KMT5A: variants seen among roughly 807,000 people sequenced by gnomAD.
KMT5A encodes lysine methyltransferase 5A, also known as N-lysine methyltransferase KMT5A.
A neutral mutation model predicts 40.6 loss-of-function variants in KMT5A; 6 were observed. The ratio of observed to expected loss-of-function variants is 0.15; its 90% CI spans 0.08 to 0.29. KMT5A has a LOEUF of 0.29. Among genes scored for constraint, KMT5A ranks in the 10% least tolerant of loss-of-function variants. The pLI, the probability that KMT5A is intolerant of heterozygous loss-of-function variation, is 1.00. For missense variants in KMT5A, 308 were observed against 459.1 expected (o/e 0.67, Z 3.01); for synonymous variants, 153 against 178.8 (o/e 0.86, Z 1.15).
chr12:123,403,101 T>G (rs1878299159), intron 5 of KMT5A, among the ~76,000 whole-genome samples: 1 of 152,198 alleles, frequency 6.6e-6, no homozygotes, highest in Non-Finnish European at 1.5e-5. Flanking sequence ...AGACAGGGTT[T>G]TACCTATTTG....
At chr12:123,406,673 A>G (rs1878579072) in intron 7 of KMT5A, among the ~76,000 whole-genome samples, 1 of 151,996 alleles carries the variant, frequency 6.6e-6, no homozygotes, top group African/African-American at 2.4e-5. Context: ...CTGTGCCTCC[A>G]TAAAGAGCCC....
At chr12:123,398,555 C>T (rs1375543365) in intron 5 of KMT5A, among the ~76,000 whole-genome samples, 2 of 152,250 alleles carry the variant, frequency 1.3e-5, no homozygotes, top group Non-Finnish European at 2.9e-5. Context: ...GAAGAACACA[C>T]TTGCTTCCCT....
At chr12:123,405,923 G>A (rs1296115647) in intron 7 of KMT5A, among the ~76,000 whole-genome samples, 3 of 151,820 alleles carry the variant, frequency 2.0e-5, no homozygotes, top group African/African-American at 7.3e-5. Flanking sequence ...AGGTTCAAGC[G>A]ATTCTCCTGC....
intron 1 of KMT5A, among the ~76,000 whole-genome samples, chr12:123,386,444 G>C (rs757940968): frequency 2.0e-5 from 3 of 152,060 alleles, no homozygotes; most frequent in Non-Finnish European, 2.9e-5. Flanking sequence ...TTGAACTCCT[G>C]ACCTCAGGTT....
intron 6 of KMT5A, 85 bp from the exon 7 acceptor site, chr12:123,404,799 G>C: frequency 7.3e-7 from 1 of 1,367,768 alleles, no homozygotes; most frequent in South Asian, 1.4e-5. Flanking sequence ...AAAGACTGGG[G>C]TAAGCCCCAG....
chr12:123,396,203 GCA>G, intron 4 of KMT5A, 140 bp from the exon 5 acceptor site: 1 of 709,964 alleles, frequency 1.4e-6, no homozygotes. Context: ...TGAGTGACCT[GCA>G]GGCTCCAGTG....
At chr12:123,407,290 G>A (rs1425033908) in intron 7 of KMT5A, among the ~76,000 whole-genome samples, 1 of 152,036 alleles carries the variant, frequency 6.6e-6, no homozygotes, top group Non-Finnish European at 1.5e-5. Flanking sequence ...AGTGAGCCGT[G>A]ATCGTGCCAC....
intron 5 of KMT5A, among the ~76,000 whole-genome samples, chr12:123,402,448 A>G (rs1180829344): frequency 6.6e-6 from 1 of 152,174 alleles, no homozygotes; most frequent in African/African-American, 2.4e-5. Flanking sequence ...AAAAGCTGCA[A>G]GCTGGTTTGG....
Position 123,407,768 on chromosome 12 carries a change from G to A in KMT5A, c.*65G>A. 2.3e-6 allele frequency: 3 copies of A among 1,303,578 alleles called. No homozygotes were observed. Among genetic ancestry groups the A allele is most frequent in the Non-Finnish European group, 3.2e-6 (3 of 937,172 alleles). 80.8% of individuals were successfully genotyped at this position (1,303,578 alleles called of 1,614,324 possible). A position where few individuals can be genotyped will look rare whatever the true frequency, so the allele number is the denominator to read the frequency against. On this transcript the variant is annotated 3_prime_UTR_variant, in exon 8 of 8. Coordinates refer to ENST00000402868, the MANE Select transcript of KMT5A (RefSeq NM_020382.7). ...TTCAAAGGACAAAGTGCCCTCAAAG[G>A]GAATTGAATTTTTTTTTTACACACT...
intron 4 of KMT5A, among the ~76,000 whole-genome samples, chr12:123,395,633 C>G (rs146057218): frequency 3.3e-5 from 5 of 149,592 alleles, no homozygotes; most frequent in African/African-American, 1.2e-4. Context: ...AGTGCGATCT[C>G]GGCTCACTGC....
intron 5 of KMT5A, among the ~76,000 whole-genome samples, chr12:123,399,532 C>T (rs1877994067): frequency 6.6e-6 from 1 of 152,206 alleles, no homozygotes; most frequent in Non-Finnish European, 1.5e-5. Context: ...TACATGGGCC[C>T]CCGTACTTCT....
chr12:123,390,527 A>G, intron 2 of KMT5A, 103 bp from the exon 3 acceptor site: 3 of 1,441,312 alleles, frequency 2.1e-6, no homozygotes, highest in Non-Finnish European at 2.8e-6. Context: ...AGTTTTTGAA[A>G]AACGGTGTTG....
At position 123,405,081 on chromosome 12, in the gene KMT5A, C is replaced by A; in HGVS notation, c.848+7C>A. ...ATCTGAGCAAAACCTACTGGTGAGT[C>A]CACTGTTGCTTAGAGTGGCTTTTCT... On this transcript the variant is annotated splice_region_variant and intron_variant, in intron 7 of 7. Transcript: ENST00000402868. 6.2e-7 allele frequency: 1 copy of A among 1,607,104 alleles called. No individual in the cohort carries two copies. Among genetic ancestry groups the A allele is most frequent in the South Asian group, 1.1e-5 (1 of 90,332 alleles).
At chr12:123,401,152 T>TA (rs1486682925) in intron 5 of KMT5A, among the ~76,000 whole-genome samples, 1 of 132,086 alleles carries the variant, frequency 7.6e-6, no homozygotes, top group South Asian at 2.6e-4. Context: ...TTCTTTTTTT[T>TA]TTTTTTTTTT....
At chr12:123,389,725 A>T (rs546878122) in intron 2 of KMT5A, among the ~76,000 whole-genome samples, 171 bp downstream of exon 2, 3 of 151,612 alleles carry the variant, frequency 2.0e-5, no homozygotes, top group Admixed American at 1.3e-4. Flanking sequence ...GCGGTGTTTG[A>T]CCTCGGAAAA....
intron 2 of KMT5A, 116 bp downstream of exon 2, chr12:123,389,670 C>A: frequency 2.5e-6 from 2 of 796,758 alleles, no homozygotes; most frequent in Non-Finnish European, 3.1e-6. Context: ...TCCTTTGCTG[C>A]CGCCTGGCTG....
chr12:123,402,818 A>G (rs1878277186), intron 5 of KMT5A, among the ~76,000 whole-genome samples: 1 of 152,148 alleles, frequency 6.6e-6, no homozygotes, highest in Non-Finnish European at 1.5e-5. Context: ...AATCTCAGCG[A>G]TCCCAAACAG....
intron 6 of KMT5A, among the ~76,000 whole-genome samples, chr12:123,404,208 A>G (rs1409449809): frequency 2.6e-5 from 4 of 152,158 alleles, no homozygotes. Context: ...CTCTTACTGT[A>G]TTTCAACCAC....
At chr12:123,385,275 T>C (rs1191952473) in intron 1 of KMT5A, among the ~76,000 whole-genome samples, 1 of 152,128 alleles carries the variant, frequency 6.6e-6, no homozygotes, top group African/African-American at 2.4e-5. Context: ...CAGAGCCTGA[T>C]GAAAAAATGA....
Sources: gnomAD v4.1 joint callset for allele counts (sites outside exome capture counted in the v4.1 genomes callset) on GRCh38, gnomAD v4.1.1 for gene constraint, MANE v1.5 for transcripts, NCBI Gene and HGNC (gene_info 2026-07-23, HGNC 2026-07-21) for gene names.